PTPRD: variants seen among roughly 807,000 people sequenced by gnomAD.
The protein encoded by PTPRD is protein tyrosine phosphatase receptor type D.
Under a neutral mutation model 214.5 loss-of-function variants are expected in PTPRD, and 34 were observed. The ratio of observed to expected loss-of-function variants is 0.16; its 90% CI spans 0.12 to 0.21. The LOEUF (loss-of-function observed/expected upper bound fraction) is 0.21, where lower values mean the gene tolerates loss of function less well. PTPRD is among the 10% of genes least tolerant of loss of function. The pLI is 1.00. For synonymous variants in PTPRD, 1,128 were observed against 845.7 expected (o/e 1.33, Z -5.79); for missense variants, 2,545 against 2,398.7 (o/e 1.06, Z -1.27).
At chr9:8,692,005 T>C (rs2097816234) in intron 12 of PTPRD, among the ~76,000 whole-genome samples, 1 of 152,202 alleles carries the variant, frequency 6.6e-6, no homozygotes, top group African/African-American at 2.4e-5. Flanking sequence ...ATCTACTTCC[T>C]GGATTTTTAC....
chr9:8,601,008 C>A (rs1049151101), intron 14 of PTPRD, among the ~76,000 whole-genome samples: 1 of 152,104 alleles, frequency 6.6e-6, no homozygotes, highest in Admixed American at 6.5e-5. Context: ...CTGCCCTGGG[C>A]CAAAGAGCTG....
intron 7 of PTPRD, among the ~76,000 whole-genome samples, chr9:9,624,181 T>C (rs1350462137): frequency 6.6e-6 from 1 of 152,172 alleles, no homozygotes; most frequent in East Asian, 1.9e-4. Context: ...TCTTACATTG[T>C]ATTATTTTTT....
chr9:10,103,070 T>A (rs1322322071), intron 3 of PTPRD, among the ~76,000 whole-genome samples: 1 of 151,552 alleles, frequency 6.6e-6, no homozygotes, highest in Non-Finnish European at 1.5e-5. Context: ...AAACAACATG[T>A]TAAAGGGATT....
At position 8,353,884 on chromosome 9, in the gene PTPRD, GTATATATGTA is replaced by G. The variant is rs1157506886; in HGVS notation, c.4662-11916_4662-11907del. On this transcript the variant is annotated intron_variant, in intron 39 of 45. Transcript: ENST00000381196. Reference sequence around the variant, plus strand: ...TATATATGTATATATGTATATATGTGTATATATGTATATATGTATATATGTGTATATATGT... The same window carrying G: ...TATATATGTATATATGTATATATGTGTATATGTATATATGTGTATATATGT... Among the ~76,000 whole-genome samples, 7 of 135,648 alleles carry G rather than the reference GTATATATGTA, an allele frequency of 5.2e-5. 1 individual carries two copies. Among genetic ancestry groups the G allele is most frequent in the African/African-American group, 2.1e-4 (7 of 33,258 alleles). The allele number at this position is 135,648 out of a possible 152,430, so 89.0% of individuals were successfully genotyped here. A position where few individuals can be genotyped will look rare whatever the true frequency, so the allele number is the denominator to read the frequency against.
chr9:10,360,801 C>T (rs192500069), intron 2 of PTPRD, among the ~76,000 whole-genome samples: 52 of 152,110 alleles, frequency 3.4e-4, no homozygotes, highest in African/African-American at 1.3e-3. Context: ...ATTAAAGGGT[C>T]CTGTAAAATT....
At chr9:9,076,665 T>C (rs2099751685) in intron 10 of PTPRD, among the ~76,000 whole-genome samples, 1 of 152,098 alleles carries the variant, frequency 6.6e-6, no homozygotes, top group South Asian at 2.1e-4. Context: ...TACTCCACTG[T>C]GTGAATGTAC....
At chr9:8,955,911 C>T (rs779843562) in intron 11 of PTPRD, among the ~76,000 whole-genome samples, 29 of 152,018 alleles carry the variant, frequency 1.9e-4, no homozygotes, top group Admixed American at 1.2e-3. Context: ...TATACACACA[C>T]ACCTTATTTT....
chr9:9,025,262 T>C (rs1165254546), intron 10 of PTPRD, among the ~76,000 whole-genome samples: 1 of 152,036 alleles, frequency 6.6e-6, no homozygotes, highest in Admixed American at 6.6e-5. Flanking sequence ...TTTACTGGTA[T>C]GGCTAAGATT....
At chr9:8,856,077 G>A (rs539926417) in intron 11 of PTPRD, among the ~76,000 whole-genome samples, 4 of 152,258 alleles carry the variant, frequency 2.6e-5, no homozygotes, top group South Asian at 4.1e-4. Flanking sequence ...AGTCAGACAC[G>A]GAACATTGAA....
At chr9:9,933,962 C>A (rs1206059378) in intron 5 of PTPRD, among the ~76,000 whole-genome samples, 1 of 145,362 alleles carries the variant, frequency 6.9e-6, no homozygotes, top group South Asian at 2.2e-4. Flanking sequence ...ACTGAACAAC[C>A]TGCTCCTGAA....
chr9:9,133,963 C>T lies in PTPRD; in HGVS notation c.-143+49341G>A, dbSNP rs921884813. Among the ~76,000 whole-genome samples, 3 of 150,992 alleles carry T rather than the reference C, an allele frequency of 2.0e-5. No individual in the cohort carries two copies. The East Asian group carries it at 5.9e-4, about 30-fold the overall frequency. ...ACTCTAATAGATCTCTCAGACTTAA[C>T]ATTTGTGAAATTCCACACCTTACCT... On this transcript the variant is annotated intron_variant, in intron 10 of 45. Coordinates refer to ENST00000381196, the MANE Select transcript of PTPRD (RefSeq NM_002839.4).
chr9:10,180,393 T>C (rs2099275217), intron 3 of PTPRD, among the ~76,000 whole-genome samples: 1 of 151,766 alleles, frequency 6.6e-6, no homozygotes, highest in South Asian at 2.1e-4. Context: ...CTACTACTCT[T>C]CCCCTTGTTC....
intron 5 of PTPRD, among the ~76,000 whole-genome samples, chr9:9,773,792 A>T (rs2098773572): frequency 6.6e-6 from 1 of 152,198 alleles, no homozygotes; most frequent in African/African-American, 2.4e-5. Flanking sequence ...TCTTTTATAA[A>T]CTGTGAAGAC....
At chr9:9,933,165 T>G (rs1254199136) in intron 5 of PTPRD, among the ~76,000 whole-genome samples, 1 of 152,292 alleles carries the variant, frequency 6.6e-6, no homozygotes. Context: ...AGTAACTGCA[T>G]CAACTAACGT....
At chr9:10,438,248 T>G (rs2098735408) in intron 2 of PTPRD, among the ~76,000 whole-genome samples, 1 of 151,512 alleles carries the variant, frequency 6.6e-6, no homozygotes, top group African/African-American at 2.4e-5. Context: ...ATGGTCTAAT[T>G]AATGATGGAG....
chr9:8,931,851 T>C (rs2098954949), intron 11 of PTPRD, among the ~76,000 whole-genome samples: 1 of 152,170 alleles, frequency 6.6e-6, no homozygotes, highest in Non-Finnish European at 1.5e-5. Flanking sequence ...AACTTGTTAT[T>C]GGCTTATTCA....
intron 4 of PTPRD, among the ~76,000 whole-genome samples, chr9:9,993,562 A>C (rs1347507477): frequency 6.6e-6 from 1 of 152,180 alleles, no homozygotes. Flanking sequence ...AATACATTTT[A>C]CTTGATTCAT....
chr9:8,341,649 G>A (rs762404853), intron 40 of PTPRD, 44 bp downstream of exon 40: 57 of 1,595,946 alleles, frequency 3.6e-5, no homozygotes, highest in Non-Finnish European at 4.8e-5. Flanking sequence ...GACAAACCCA[G>A]AATGACTTGC....
chr9:8,737,074 A>G (rs2090622418), intron 11 of PTPRD, among the ~76,000 whole-genome samples: 1 of 152,142 alleles, frequency 6.6e-6, no homozygotes, highest in South Asian at 2.1e-4. Context: ...AGAGATGGAG[A>G]CCTATGAATG....
Sources: allele counts gnomAD v4.1 joint callset (sites outside exome capture counted in the v4.1 genomes callset), GRCh38; gene constraint gnomAD v4.1.1; transcripts MANE v1.5; gene names NCBI Gene and HGNC (gene_info 2026-07-23, HGNC 2026-07-21).